The following INPP5A variants were observed in gnomAD, a reference collection of about 807,000 sequenced individuals.
INPP5A encodes the protein inositol polyphosphate-5-phosphatase A.
Under a neutral mutation model 65.2 loss-of-function variants are expected in INPP5A, and 14 were observed. That is an observed-to-expected ratio of 0.21 (90% CI 0.14 to 0.34). The LOEUF (loss-of-function observed/expected upper bound fraction) is 0.34, where lower values mean the gene tolerates loss of function less well. Among genes scored for constraint, INPP5A ranks in the 10% least tolerant of loss-of-function variants. INPP5A has a pLI of 1.00. For synonymous variants in INPP5A, 207 were observed against 208.3 expected (o/e 0.99, Z 0.05); for missense variants, 431 against 545.6 (o/e 0.79, Z 2.09).
intron 1 of INPP5A, among the ~76,000 whole-genome samples, chr10:132,540,063 C>T (rs554317324): frequency 6.6e-6 from 1 of 152,302 alleles, no homozygotes; most frequent in East Asian, 1.9e-4. Flanking sequence ...CTATTCTAGG[C>T]TTTCCAGTAA....
rs953927346 is a variant in INPP5A, at chr10:132,659,343, G to T, written c.306+8838G>T. Among the ~76,000 whole-genome samples the T allele has an allele frequency of 6.6e-6, 1 of 152,202 alleles. No homozygotes were observed. Among genetic ancestry groups the T allele is most frequent in the Non-Finnish European group, 1.5e-5 (1 of 68,030 alleles). On this transcript the variant is annotated intron_variant, in intron 4 of 15. Transcript: ENST00000368594. This position sits in a 1 kb window ranked among gnomAD's most constrained non-coding sequence, Gnocchi z 5.5. ...AGCTGCCATTGGCCCGTAGCTCTGG[G>T]GCTGGTCCTGGCCATCTAGCCATGG...
At chr10:132,735,594 T>C (rs1041938591) in intron 9 of INPP5A, among the ~76,000 whole-genome samples, 1 of 152,194 alleles carries the variant, frequency 6.6e-6, no homozygotes, top group African/African-American at 2.4e-5. Context: ...CCTTGCCCCC[T>C]CGGTCCTGGG....
chr10:132,740,855 A>G (rs1372567296), intron 9 of INPP5A, among the ~76,000 whole-genome samples: 1 of 152,116 alleles, frequency 6.6e-6, no homozygotes, highest in Non-Finnish European at 1.5e-5. Context: ...CCCAGCATTC[A>G]CCACCCAAGG....
At chr10:132,639,859 G>A (rs2072403833) in intron 2 of INPP5A, among the ~76,000 whole-genome samples, 1 of 152,140 alleles carries the variant, frequency 6.6e-6, no homozygotes. Flanking sequence ...TTACCATTGA[G>A]TTCTTCTGGT....
chr10:132,701,078 G>A (rs996749389), intron 6 of INPP5A, among the ~76,000 whole-genome samples: 2 of 152,188 alleles, frequency 1.3e-5, no homozygotes, highest in African/African-American at 4.8e-5. Context: ...GCGGGCCTTC[G>A]GCGTGAGGGT....
chr10:132,629,238 G>A lies in INPP5A; in HGVS notation c.118-16630G>A, dbSNP rs537913026. On this transcript the variant is annotated intron_variant, in intron 2 of 15. Coordinates refer to ENST00000368594, the MANE Select transcript of INPP5A (RefSeq NM_005539.5). Reference sequence around the variant, plus strand: ...CAGCAGTGGCCTCAAACTTGCTCTTGCCCTCTGACCCCAGCCCTCCCCTCC... The same window carrying A: ...CAGCAGTGGCCTCAAACTTGCTCTTACCCTCTGACCCCAGCCCTCCCCTCC... 1.7e-3 allele frequency among the ~76,000 whole-genome samples: 256 copies of A among 152,238 alleles called. 1 individual carries two copies. The highest frequency in any genetic ancestry group is 2.5e-3 in the Non-Finnish European group (170 of 68,014).
At chr10:132,615,275 C>T (rs2072015887) in intron 2 of INPP5A, among the ~76,000 whole-genome samples, 1 of 152,272 alleles carries the variant, frequency 6.6e-6, no homozygotes, top group East Asian at 1.9e-4. Context: ...TTCCCATACT[C>T]CTTGCCTGTC....
At chr10:132,754,548 G>A (rs142526938) in intron 11 of INPP5A, among the ~76,000 whole-genome samples, 189 of 152,362 alleles carry the variant, frequency 1.2e-3, no homozygotes, top group African/African-American at 4.4e-3. Context: ...CTCCAGTACC[G>A]TTTAAGCAGC....
At chr10:132,630,597 C>CGTCCATGAGGGGAAGAT (rs1564941122) in intron 2 of INPP5A, among the ~76,000 whole-genome samples, 3 of 149,282 alleles carry the variant, frequency 2.0e-5, no homozygotes, top group Non-Finnish European at 4.4e-5. Flanking sequence ...GAGGGGAAGA[C>CGTCCATGAGGGGAAGAT]GTCCATGAGG....
chr10:132,645,810 C>T, intron 2 of INPP5A, 58 bp from the exon 3 acceptor site: 4 of 1,357,400 alleles, frequency 2.9e-6, no homozygotes, highest in Non-Finnish European at 4.1e-6. Context: ...GGGGTGGTGC[C>T]ACGTGTGGCT....
chr10:132,757,288 A>G (rs544769300), intron 11 of INPP5A, among the ~76,000 whole-genome samples: 1 of 152,118 alleles, frequency 6.6e-6, no homozygotes, highest in Non-Finnish European at 1.5e-5. Flanking sequence ...CCCGCTCACC[A>G]GCTCACCCCG....
intron 9 of INPP5A, among the ~76,000 whole-genome samples, chr10:132,740,046 G>T (rs1018574553): frequency 1.1e-4 from 17 of 152,336 alleles, no homozygotes; most frequent in African/African-American, 3.8e-4. Context: ...CGCCTGTGAA[G>T]CGATTGGCTG....
chr10:132,658,093 T>G (rs1327462459), intron 4 of INPP5A, among the ~76,000 whole-genome samples: 1 of 152,248 alleles, frequency 6.6e-6, no homozygotes, highest in Non-Finnish European at 1.5e-5. Context: ...TGCTGTGATG[T>G]GAAAAATAAT....
chr10:132,630,573 A>AGGAAGACATCCATGAGG (rs2072252811), intron 2 of INPP5A, among the ~76,000 whole-genome samples: 12 of 128,438 alleles, frequency 9.3e-5, no homozygotes, highest in Non-Finnish European at 1.7e-4. Flanking sequence ...CATCCATGAG[A>AGGAAGACATCCATGAGG]GGAAGACGTC....
At chr10:132,780,416 T>A (rs530591444) in intron 13 of INPP5A, among the ~76,000 whole-genome samples, 2 of 152,310 alleles carry the variant, frequency 1.3e-5, no homozygotes, top group East Asian at 3.9e-4. Flanking sequence ...GTGGGAAGAT[T>A]GGAACTAGAT....
chr10:132,631,716 G>C (rs1294061756), intron 2 of INPP5A, among the ~76,000 whole-genome samples: 2 of 152,244 alleles, frequency 1.3e-5, no homozygotes, highest in East Asian at 1.9e-4. Context: ...CCCGCTCCGC[G>C]GCAGAAGCAG....
At chr10:132,713,402 A>T (rs952625049) in intron 8 of INPP5A, among the ~76,000 whole-genome samples, 8 of 151,786 alleles carry the variant, frequency 5.3e-5, no homozygotes, top group Admixed American at 5.2e-4. Flanking sequence ...TGCTGTGGTG[A>T]GTGTGGCCTG....
Position 132,575,507 on chromosome 10 carries a change from C to G in INPP5A, c.76-32408C>G, listed in dbSNP as rs1159545759. ...GTAACCAAACCGATCTAACCACATT[C>G]ACAATCATTTGGAAACTGGTGAAAA... On this transcript the variant is annotated intron_variant, in intron 1 of 15. Transcript: ENST00000368594. The surrounding 1 kb of genome is among the most constrained non-coding windows in gnomAD (Gnocchi z 5.4). Among the ~76,000 whole-genome samples the G allele has an allele frequency of 6.6e-6, 1 of 152,168 alleles. No homozygotes were observed. The highest frequency in any genetic ancestry group is 1.5e-5 in the Non-Finnish European group (1 of 68,032).
intron 8 of INPP5A, among the ~76,000 whole-genome samples, chr10:132,725,381 G>A (rs546593505): frequency 1.6e-4 from 25 of 152,320 alleles, no homozygotes; most frequent in African/African-American, 3.8e-4. Flanking sequence ...TGGTGGCCCC[G>A]GCTGGTGCCT....
Sources: allele counts gnomAD v4.1 joint callset (sites outside exome capture counted in the v4.1 genomes callset), GRCh38; gene constraint gnomAD v4.1.1; non-coding constraint Gnocchi (gnomAD v3.1); transcripts MANE v1.5; gene names NCBI Gene and HGNC (gene_info 2026-07-23, HGNC 2026-07-21).